Variants in PI4KB observed in about 807,000 individuals in gnomAD.
The protein encoded by PI4KB is phosphatidylinositol 4-kinase beta.
PI4KB carries 23 observed loss-of-function variants against 81.4 expected under a neutral mutation model. The observed-to-expected ratio is 0.28, with a 90% CI of 0.20 to 0.40. PI4KB has a LOEUF of 0.40. Among genes scored for constraint, PI4KB ranks in the 10% least tolerant of loss-of-function variants. The pLI is 1.00. For missense variants in PI4KB, 651 were observed against 1,036.6 expected (o/e 0.63, Z 5.11); for synonymous variants, 381 against 406.8 (o/e 0.94, Z 0.76).
chr1:151,325,466 A>G (rs1649476879), intron 1 of PI4KB, among the ~76,000 whole-genome samples: 1 of 152,224 alleles, frequency 6.6e-6, no homozygotes, highest in African/African-American at 2.4e-5. Flanking sequence ...CATGGCAGCA[A>G]CTAGTTGCCT....
intron 1 of PI4KB, among the ~76,000 whole-genome samples, chr1:151,325,801 CAAAT>C (rs1292480953): frequency 6.6e-6 from 1 of 152,150 alleles, no homozygotes. Context: ...GTTTTGTAAA[CAAAT>C]AAACCAAATC....
chr1:151,302,882 C>T (rs904116888), intron 6 of PI4KB, among the ~76,000 whole-genome samples: 4 of 151,652 alleles, frequency 2.6e-5, no homozygotes, highest in African/African-American at 7.3e-5. Context: ...CGCACCCAGC[C>T]TAGAATCTGC....
At chr1:151,321,532 C>T (rs1648842583) in intron 1 of PI4KB, among the ~76,000 whole-genome samples, 1 of 151,670 alleles carries the variant, frequency 6.6e-6, no homozygotes, top group Non-Finnish European at 1.5e-5. Flanking sequence ...TTACAGACAC[C>T]CGCCACCATG....
chr1:151,295,467 A>G (rs1319204435), intron 9 of PI4KB, among the ~76,000 whole-genome samples: 1 of 152,220 alleles, frequency 6.6e-6, no homozygotes, highest in African/African-American at 2.4e-5. Flanking sequence ...TCATGGTTCA[A>G]CCTCACATTT....
At position 151,306,230 on chromosome 1, in the gene PI4KB, TG is replaced by T; in HGVS notation, c.1315del (p.His439MetfsTer26). The T allele has an allele frequency of 6.2e-7, 1 of 1,614,176 alleles. No individual in the cohort carries two copies. The highest frequency in any genetic ancestry group is 8.5e-7 in the Non-Finnish European group (1 of 1,180,034). On this transcript the variant is annotated frameshift_variant, in exon 5 of 12. Coordinates refer to ENST00000368873, the MANE Select transcript of PI4KB (RefSeq NM_001369623.2). LOFTEE classifies it high-confidence loss of function. ...GCTGAAGCTGCCAGCTCGCTGCTCATGGGTAATACCACATTCGGGCAAGTTT... is the reference window on the plus strand; with the variant it reads ...GCTGAAGCTGCCAGCTCGCTGCTCATGGTAATACCACATTCGGGCAAGTTT... ...VENLPECGIT[H>X]EQRAGSFSTV... is the part of the protein sequence containing the mutation.
Position 151,294,422 on chromosome 1 carries a change from G to A in PI4KB, c.2135C>T (p.Thr712Ile), listed in dbSNP as rs1303914392. 6.2e-7 allele frequency: 1 copy of A among 1,613,386 alleles called. No individual in the cohort carries two copies. The highest frequency in any genetic ancestry group is 1.7e-5 in the Admixed American group (1 of 59,936). Residue 712 changes from threonine to isoleucine, a missense_variant, in exon 10 of 12, where the codon ACA becomes ATA. Thr to Ile is a moderately conservative substitution (Grantham distance 89, BLOSUM62 -1). Around this residue, in one of 5 missense-constraint regions of PI4KB, gnomAD observed 19 missense variants for 77.8 expected, o/e 0.24. Coordinates refer to ENST00000368873, the MANE Select transcript of PI4KB (RefSeq NM_001369623.2). ...GFETSAFKLT[T>I]EFVDVMGGLD... is the part of the protein sequence containing the mutation. The stretch of plus-strand genomic sequence containing the variant: ...TTCTTGACTCACATCCACAAACTCT[G>A]TGGTCAGCTTAAAGGCTGACGTCTC...
At chr1:151,323,129 G>T (rs1390818246) in intron 1 of PI4KB, among the ~76,000 whole-genome samples, 1 of 152,124 alleles carries the variant, frequency 6.6e-6, no homozygotes, top group African/African-American at 2.4e-5. Flanking sequence ...TCCAGTAGAA[G>T]AAATAAAAAT....
chr1:151,323,086 A>C (rs1649080573), intron 1 of PI4KB, among the ~76,000 whole-genome samples: 3 of 152,370 alleles, frequency 2.0e-5, no homozygotes, highest in East Asian at 3.9e-4. Context: ...AAAGGTTCAA[A>C]TATATTAAAT....
intron 5 of PI4KB, among the ~76,000 whole-genome samples, chr1:151,304,026 T>C (rs1161334947): frequency 6.6e-6 from 1 of 152,158 alleles, no homozygotes; most frequent in Non-Finnish European, 1.5e-5. Context: ...CCCCCAAGGA[T>C]AGGGATGCGT....
chr1:151,325,424 C>T (rs1032451563), intron 1 of PI4KB, among the ~76,000 whole-genome samples: 4 of 152,184 alleles, frequency 2.6e-5, no homozygotes, highest in Non-Finnish European at 4.4e-5. Flanking sequence ...TGGAATCTCA[C>T]GTGCCCTTTC....
chr1:151,304,688 C>T (rs1695600510), intron 5 of PI4KB, among the ~76,000 whole-genome samples: 1 of 148,850 alleles, frequency 6.7e-6, no homozygotes, highest in South Asian at 2.1e-4. Context: ...CAGAGTCTCA[C>T]TCTGTCACCC....
chr1:151,307,775 TTC>T lies in PI4KB; in HGVS notation c.979_980del (p.Glu327IlefsTer35). On this transcript the variant is annotated frameshift_variant, in exon 4 of 12. Coordinates refer to ENST00000368873, the MANE Select transcript of PI4KB (RefSeq NM_001369623.2). LOFTEE classifies it high-confidence loss of function. ...CGATCGCCATCAGGGACTTGATGAA[TTC>T]TCTCTCAGGAGCCAGTCGAACAGGC... Reference protein sequence around the residue: ...SSPVRLAPEREFIKSLMAIGK... With the variant: ...SSPVRLAPERXFIKSLMAIGK... 1 of 1,614,016 alleles carries T rather than the reference TTC, an allele frequency of 6.2e-7. No homozygotes were observed. Among genetic ancestry groups the T allele is most frequent in the Non-Finnish European group, 8.5e-7 (1 of 1,179,922 alleles).
intron 9 of PI4KB, among the ~76,000 whole-genome samples, chr1:151,295,649 T>C (rs1694725521): frequency 6.6e-6 from 1 of 152,256 alleles, no homozygotes; most frequent in Non-Finnish European, 1.5e-5. Context: ...CCTCATTCAT[T>C]GTTGCCACTT....
At chr1:151,318,365 C>T (rs1270174474) in intron 1 of PI4KB, among the ~76,000 whole-genome samples, 3 of 146,254 alleles carry the variant, frequency 2.1e-5, no homozygotes, top group East Asian at 2.0e-4. Flanking sequence ...TGCAGTGAGC[C>T]GAGATTACGC....
chr1:151,319,973 G>T (rs1475249862), intron 1 of PI4KB, among the ~76,000 whole-genome samples: 6 of 152,194 alleles, frequency 3.9e-5, no homozygotes, highest in Middle Eastern at 3.2e-3. Flanking sequence ...GTCCCTCTGG[G>T]AGGCTGTTTT....
intron 2 of PI4KB, among the ~76,000 whole-genome samples, chr1:151,315,274 G>A (rs1424237483): frequency 6.6e-6 from 1 of 152,154 alleles, no homozygotes; most frequent in African/African-American, 2.4e-5. Context: ...ACCGCGCCTG[G>A]CCAGTGCAGT....
Position 151,304,636 on chromosome 1 carries a change from C to T in PI4KB, c.1411-986G>A, listed in dbSNP as rs587618949. On this transcript the variant is annotated intron_variant, in intron 5 of 11. Coordinates refer to ENST00000368873, the MANE Select transcript of PI4KB (RefSeq NM_001369623.2). Reference sequence around the variant, plus strand: ...CTGGGATTGCAGGCGTGAGCCACCGCGCCTGGCCCTGGCTGTGTTTTTGTT... The same window carrying T: ...CTGGGATTGCAGGCGTGAGCCACCGTGCCTGGCCCTGGCTGTGTTTTTGTT... Among the ~76,000 whole-genome samples the T allele has an allele frequency of 9.3e-4, 140 of 151,284 alleles. 1 individual carries two copies. Among genetic ancestry groups the T allele is most frequent in the African/African-American group, 3.1e-3 (128 of 41,168 alleles).
chr1:151,306,289 G>A lies in PI4KB; in HGVS notation c.1257C>T (p.Pro419=), dbSNP rs756732856. ...ACCTCGTACTCCGAATTCGGTTCTC[G>A]GGGATCCGGGCAGGGACACTGGTGG... ...FDTTSVPARI[P]ENRIRSTRSV... is the part of the protein sequence containing the mutation. Residue 419 remains proline, a synonymous_variant, in exon 5 of 12, where the codon CCC becomes CCT. Coordinates refer to ENST00000368873, the MANE Select transcript of PI4KB (RefSeq NM_001369623.2). The A allele has an allele frequency of 4.3e-6, 7 of 1,613,994 alleles. No homozygotes were observed. Among genetic ancestry groups the A allele is most frequent in the African/African-American group, 1.3e-5 (1 of 74,894 alleles).
chr1:151,292,212 CAG>C lies in PI4KB; in HGVS notation c.*638_*639del, dbSNP rs1339941604. ...TTTTCCCTGGGTTTGGGGAAGGAGTCAGGGTAGGGAATTCCACATGGCTAGGC... is the reference window on the plus strand; with the variant it reads ...TTTTCCCTGGGTTTGGGGAAGGAGTCGGTAGGGAATTCCACATGGCTAGGC... On this transcript the variant is annotated 3_prime_UTR_variant, in exon 12 of 12. Coordinates refer to ENST00000368873, the MANE Select transcript of PI4KB (RefSeq NM_001369623.2). 1 of 152,340 alleles carries C rather than the reference CAG, an allele frequency of 6.6e-6. No individual in the cohort carries two copies. Among genetic ancestry groups the C allele is most frequent in the Admixed American group, 6.5e-5 (1 of 15,276 alleles). The allele number at this position is 152,340 out of a possible 1,614,324, so 9.4% of individuals were successfully genotyped here.
Sources: allele counts gnomAD v4.1 joint callset (sites outside exome capture counted in the v4.1 genomes callset), GRCh38; gene constraint gnomAD v4.1.1; regional missense constraint gnomAD v4.1.1; transcripts MANE v1.5; gene names NCBI Gene and HGNC (gene_info 2026-07-23, HGNC 2026-07-21).